USP29: variants seen among roughly 807,000 people sequenced by gnomAD.
The protein encoded by USP29 is ubiquitin carboxyl-terminal hydrolase 29.
For missense variants in USP29, 1,102 were observed against 1,069.0 expected (o/e 1.03, Z -0.43); for synonymous variants, 386 against 387.4 (o/e 1.00, Z 0.04).
intron 2 of USP29, 27 bp from the exon 3 acceptor site, chr19:57,124,012 G>A (rs753781049): frequency 6.6e-6 from 1 of 152,178 alleles, no homozygotes; most frequent in Non-Finnish European, 1.5e-5. Context: ...TCAGTTTCAG[G>A]ACTCTGACCT....
rs1205369935 is a variant in USP29, at chr19:57,131,136, C to T, written c.2461C>T (p.Gln821Ter). ...AAACGTGAAGATGGGGGATCCTCTCCAGGCCTACAGACTCATCAGTGTTGT... is the reference window on the plus strand; with the variant it reads ...AAACGTGAAGATGGGGGATCCTCTCTAGGCCTACAGACTCATCAGTGTTGT... ...TRNVKMGDPLQAYRLISVVSH... is the reference protein window; with the variant it reads ...TRNVKMGDPL The change falls in exon 4 of 4, where the codon CAG becomes TAG. Residue 821 changes from glutamine to a stop codon, truncating the protein, a stop_gained. Transcript: ENST00000254181. LOFTEE classifies it low-confidence loss of function (END_TRUNC). 4.3e-6 allele frequency: 7 copies of T among 1,614,110 alleles called. No individual in the cohort carries two copies. Among genetic ancestry groups the T allele is most frequent in the Non-Finnish European group, 5.9e-6 (7 of 1,180,046 alleles).
chr19:57,130,273 A>C lies in USP29; in HGVS notation c.1598A>C (p.Lys533Thr). 1 of 1,614,030 alleles carries C rather than the reference A, an allele frequency of 6.2e-7. No homozygotes were observed. Among genetic ancestry groups the C allele is most frequent in the Non-Finnish European group, 8.5e-7 (1 of 1,180,006 alleles). Residue 533 changes from lysine (K) to threonine (T), a missense_variant, in exon 4 of 4, where the codon AAA becomes ACA. Physicochemically the swap from Lys to Thr is moderately conservative, Grantham distance 78. Transcript: ENST00000254181. ...AATAACGAGCAAGTTTATATTCCCA[A>C]ATCTTTAAGTTTATCTTCTTATTGC... ...VKNNEQVYIPKSLSLSSYCNE... is the reference protein window; with the variant it reads ...VKNNEQVYIPTSLSLSSYCNE...
chr19:57,129,301 A>T lies in USP29; in HGVS notation c.626A>T (p.Asn209Ile). The T allele has an allele frequency of 6.2e-7, 1 of 1,614,158 alleles. No homozygotes were observed. The highest frequency in any genetic ancestry group is 8.5e-7 in the Non-Finnish European group (1 of 1,180,018). ...AAATATATACAAAGCAATAGGAAGA[A>T]CCCATCAAGTTTAGAGGATTTAGAA... The part of the protein sequence containing the change: ...SLKYIQSNRK[N>I]PSSLEDLEKD... The change falls in exon 4 of 4, where the codon AAC (asparagine) becomes ATC (isoleucine). Residue 209 changes from asparagine (N) to isoleucine (I), a missense_variant. By Grantham distance (149) the Asn-to-Ile change is moderately radical (BLOSUM62 -3). Transcript: ENST00000254181.
In USP29 at chr19:57,130,119, C is replaced by G. The variant is rs746531500; in HGVS notation, c.1444C>G (p.Leu482Val). ...AGATCTTTTCTTTAAAGAAGAAGAG[C>G]TTGAATATAACTGTCAGATGTGTAA... ...SLDLFFKEEE[L>V]EYNCQMCKQK... The change falls in exon 4 of 4, where the codon CTT becomes GTT. Residue 482 changes from leucine (L) to valine (V), a missense_variant. Leu to Val is a conservative substitution (Grantham distance 32). Coordinates refer to ENST00000254181, the MANE Select transcript of USP29 (RefSeq NM_020903.3). 1 of 1,613,846 alleles carries G rather than the reference C, an allele frequency of 6.2e-7. No homozygotes were observed. The highest frequency in any genetic ancestry group is 1.7e-5 in the Admixed American group (1 of 59,946).
intron 3 of USP29, 71 bp from the exon 4 acceptor site, chr19:57,128,589 A>T: frequency 7.2e-7 from 1 of 1,387,622 alleles, no homozygotes; most frequent in Non-Finnish European, 9.6e-7. Flanking sequence ...TTATATGTGG[A>T]TGAGGTTTTT....
chr19:57,130,953 G>T lies in USP29; in HGVS notation c.2278G>T (p.Ala760Ser). The change falls in exon 4 of 4, where the codon GCC becomes TCC. Residue 760 changes from alanine (A) to serine (S), a missense_variant. Ala to Ser is a moderately conservative substitution (Grantham distance 99, BLOSUM62 1). Transcript: ENST00000254181. The stretch of plus-strand genomic sequence containing the variant: ...ACCTCCAGGTGTTAGGAAGCTGGAT[G>T]CCCAGGAACATACAGAAGAGACCCT... ...APPPGVRKLDAQEHTEETLNQ... is the reference protein window; with the variant it reads ...APPPGVRKLDSQEHTEETLNQ... 6.2e-7 allele frequency: 1 copy of T among 1,614,162 alleles called. No individual in the cohort carries two copies. The highest frequency in any genetic ancestry group is 8.5e-7 in the Non-Finnish European group (1 of 1,180,034).
intron 3 of USP29, among the ~76,000 whole-genome samples, chr19:57,126,153 G>A (rs4456615): frequency 0.08 from 12,197 of 152,072 alleles, 535 homozygotes; most frequent in East Asian, 0.16. Context: ...TTCCCTTTGT[G>A]GGTAACCCGA....
intron 3 of USP29, among the ~76,000 whole-genome samples, chr19:57,126,997 C>T (rs1168978059): frequency 6.6e-6 from 1 of 152,172 alleles, no homozygotes; most frequent in Non-Finnish European, 1.5e-5. Context: ...AGTTTTTCTT[C>T]TAGCAGTCAG....
chr19:57,129,839 G>A lies in USP29; in HGVS notation c.1164G>A (p.Met388Ile). 6.2e-7 allele frequency: 1 copy of A among 1,614,108 alleles called. No individual in the cohort carries two copies. Among genetic ancestry groups the A allele is most frequent in the South Asian group, 1.1e-5 (1 of 91,076 alleles). The change falls in exon 4 of 4, where the codon ATG becomes ATA. Residue 388 changes from methionine to isoleucine, a missense_variant. Coordinates refer to ENST00000254181, the MANE Select transcript of USP29 (RefSeq NM_020903.3). ...GTTTAGACCAGCTGAAAGAAGACAT[G>A]GAAAAATTAAATGCCACTTTGAATA... ...GQCLDQLKED[M>I]EKLNATLNTG...
At position 57,131,291 on chromosome 19, in the gene USP29, G is replaced by A. The variant is rs61735240; in HGVS notation, c.2616G>A (p.Ala872=). ...TCTCAGAGACCAAAATGCAGGAGGCGAGGCTTCACTCTGGGTATATCTTCT... is the reference window on the plus strand; with the variant it reads ...TCTCAGAGACCAAAATGCAGGAGGCAAGGCTTCACTCTGGGTATATCTTCT... The part of the protein sequence containing the change: ...SEISETKMQE[A]RLHSGYIFFY... Residue 872 remains alanine (A), a synonymous_variant, in exon 4 of 4, where the codon GCG becomes GCA. Coordinates refer to ENST00000254181, the MANE Select transcript of USP29 (RefSeq NM_020903.3). 3.9e-3 allele frequency: 6,348 copies of A among 1,614,178 alleles called. 153 individuals carry two copies. The East Asian group carries it at 0.059, about 15-fold the overall frequency.
At chr19:57,123,066 A>G (rs1266971620) in intron 2 of USP29, among the ~76,000 whole-genome samples, 1 of 152,152 alleles carries the variant, frequency 6.6e-6, no homozygotes, top group East Asian at 1.9e-4. Flanking sequence ...CATGCCCTAC[A>G]TTGAAGAAAT....
chr19:57,121,304 A>ATACTTATATATGTTATG (rs1599914029), intron 1 of USP29, among the ~76,000 whole-genome samples: 1 of 146,586 alleles, frequency 6.8e-6, no homozygotes, highest in Non-Finnish European at 1.5e-5. Context: ...TATATGTTAT[A>ATACTTATATATGTTATG]TACTTATATA....
In USP29 at chr19:57,130,418, G is replaced by T; in HGVS notation, c.1743G>T (p.Met581Ile). The T allele has an allele frequency of 1.9e-6, 3 of 1,614,216 alleles. No homozygotes were observed. Among genetic ancestry groups the T allele is most frequent in the Middle Eastern group, 1.6e-4 (1 of 6,062 alleles). The change falls in exon 4 of 4, where the codon ATG becomes ATT. Residue 581 changes from methionine to isoleucine, a missense_variant. Met to Ile is a conservative substitution (Grantham distance 10). Transcript: ENST00000254181. ...SEINSPLTPS[M>I]KLTSESSDSL... ...TCAACAGCCCATTGACACCATCAAT[G>T]AAGCTGACCTCAGAATCCAGTGATT...
In USP29 at chr19:57,129,586, T is replaced by A. The variant is rs2086843689; in HGVS notation, c.911T>A (p.Phe304Tyr). The change falls in exon 4 of 4, where the codon TTT becomes TAT. Residue 304 changes from phenylalanine to tyrosine, a missense_variant. By Grantham distance (22) the Phe-to-Tyr change is conservative. Transcript: ENST00000254181. ...ATGAATGCAGTTTTACAATCGCTAT[T>A]TGCAATTCCATCTTTTGCTGATGAC... ...CYMNAVLQSLFAIPSFADDLL... is the reference protein window; with the variant it reads ...CYMNAVLQSLYAIPSFADDLL... 6.2e-7 allele frequency: 1 copy of A among 1,614,242 alleles called. No individual in the cohort carries two copies.
At chr19:57,122,638 T>G (rs139876090) in intron 2 of USP29, among the ~76,000 whole-genome samples, 164 bp downstream of exon 2, 6 of 151,740 alleles carry the variant, frequency 4.0e-5, no homozygotes, top group Admixed American at 2.0e-4. Context: ...TGAGGGGAAT[T>G]TCATCTTCTA....
rs560755970 is a variant in USP29 at position 57,127,974 on chromosome 19, C to T, written c.-16-686C>T. ...AAAACTGTGGGAAAAGCGTAGTAAC[C>T]GGGCGAGTAGCATAGTTCTTCACGG... On this transcript the variant is annotated intron_variant, in intron 3 of 3. Transcript: ENST00000254181. Among the ~76,000 whole-genome samples, 6 of 152,286 alleles carry T rather than the reference C, an allele frequency of 3.9e-5. No individual in the cohort carries two copies. The East Asian group carries it at 1.2e-3, about 29-fold the overall frequency.
rs1224907824 is a variant in USP29 at position 57,131,558 on chromosome 19, T to C, written c.*114T>C. The C allele has an allele frequency of 4.8e-6, 7 of 1,461,592 alleles. No homozygotes were observed. The highest frequency in any genetic ancestry group is 6.4e-6 in the Non-Finnish European group (7 of 1,098,358). The allele number at this position is 1,461,592 out of a possible 1,614,324, so 90.5% of individuals were successfully genotyped here. On this transcript the variant is annotated 3_prime_UTR_variant, in exon 4 of 4. Coordinates refer to ENST00000254181, the MANE Select transcript of USP29 (RefSeq NM_020903.3). The stretch of plus-strand genomic sequence containing the variant: ...GGAACAAGTATCTCAGGATGAAATC[T>C]CAATGAAAAACACTTATTTTGGGGG...
intron 1 of USP29, 76 bp from the exon 2 acceptor site, chr19:57,122,249 G>T (rs2086801513): frequency 6.6e-6 from 1 of 152,070 alleles, no homozygotes. Context: ...CCCGTGATAT[G>T]GGTGGAGCCA....
chr19:57,123,356 A>G (rs372721957), intron 2 of USP29, among the ~76,000 whole-genome samples: 1 of 152,218 alleles, frequency 6.6e-6, no homozygotes, highest in East Asian at 1.9e-4. Context: ...TTTTCTCTAT[A>G]TGAGGCATCC....
Sources: allele counts gnomAD v4.1 joint callset (sites outside exome capture counted in the v4.1 genomes callset), GRCh38; gene constraint gnomAD v4.1.1; transcripts MANE v1.5; gene names NCBI Gene and HGNC (gene_info 2026-07-23, HGNC 2026-07-21).